Variants in APOL5 observed in about 807,000 individuals in gnomAD.
APOL5 encodes the protein apolipoprotein L5.
A neutral mutation model predicts 35.5 loss-of-function variants in APOL5; 29 were observed. The ratio of observed to expected loss-of-function variants is 0.82; its 90% confidence interval spans 0.61 to 1.11. The LOEUF is 1.11. Ranked by LOEUF, APOL5 falls within the 50% of genes most tolerant of loss-of-function variation. APOL5 has a pLI of 0.00. For synonymous variants in APOL5, 188 were observed against 200.2 expected, an observed-to-expected ratio of 0.94 and a Z score of 0.51; for missense variants, 514 against 530.4, an observed-to-expected ratio of 0.97 and a Z score of 0.30.
chr22:35,717,237 T>TATAA (rs1926782990), upstream of APOL5, among the ~76,000 whole-genome samples: 1 of 66,062 alleles, frequency 1.5e-5, no homozygotes, highest in African/African-American at 9.6e-5. Context: ...AAAAAAAAAA[T>TATAA]ATATATATAT....
rs183149604 is a variant in APOL5, at chr22:35,721,054, G to C, written c.142+400G>C. Among the ~76,000 whole-genome samples, 73 of 152,158 alleles carry C rather than the reference G, an allele frequency of 4.8e-4. 1 individual carries two copies. The East Asian group carries it at 0.01, about 22-fold the overall frequency. On this transcript the variant is annotated intron_variant, in intron 2 of 4. Transcript: ENST00000249044. The stretch of plus-strand genomic sequence containing the variant: ...AGCCACCGTGCCCAGCTGTCAATAA[G>C]TATTTGAATGAAGGAATAAAATCTG...
chr22:35,723,067 G>A (rs1927029914), intron 2 of APOL5, among the ~76,000 whole-genome samples: 1 of 152,202 alleles, frequency 6.6e-6, no homozygotes, highest in Non-Finnish European at 1.5e-5. Flanking sequence ...CCTCCAGGAG[G>A]GAGGAGGGAG....
At chr22:35,727,331 C>T (rs1256894237) in intron 3 of APOL5, 137 bp downstream of exon 3, 82 of 1,303,648 alleles carry the variant, frequency 6.3e-5, no homozygotes, top group Non-Finnish European at 8.0e-5. Context: ...GGACTTGCCG[C>T]ACACCCCTGA....
At position 35,720,993 on chromosome 22, in the gene APOL5, G is replaced by A. The variant is rs565380661; in HGVS notation, c.142+339G>A. On this transcript the variant is annotated intron_variant, in intron 2 of 4. Transcript: ENST00000249044. ...ACTCCTGATCTCAAATGCTCCACCC[G>A]CCTCGGCCTCCCAATGTGCTGGGAT... Among the ~76,000 whole-genome samples, 5 of 152,072 alleles carry A rather than the reference G, an allele frequency of 3.3e-5. No individual in the cohort carries two copies. In the South Asian group the frequency reaches 6.2e-4, roughly 19 times the overall value.
rs150465563 is a variant in APOL5, at chr22:35,721,482, G to T, written c.142+828G>T. On this transcript the variant is annotated intron_variant, in intron 2 of 4. Coordinates refer to ENST00000249044, the MANE Select transcript of APOL5 (RefSeq NM_030642.1). The stretch of plus-strand genomic sequence containing the variant: ...TGCTTGAACCCGGGAGGCGGAGGTT[G>T]CAGTGAGCCAAGATTGCACCACTAC... Among the ~76,000 whole-genome samples the T allele has an allele frequency of 2.0e-5, 3 of 152,140 alleles. No individual in the cohort carries two copies. The East Asian group carries it at 5.8e-4, about 30-fold the overall frequency.
Position 35,728,725 on chromosome 22 carries a change from T to C in APOL5, c.1129T>C (p.Ser377Pro), listed in dbSNP as rs1310766445. The C allele has an allele frequency of 1.2e-6, 2 of 1,611,468 alleles. No individual in the cohort carries two copies. Among genetic ancestry groups the C allele is most frequent in the Admixed American group, 3.4e-5 (2 of 59,688 alleles). The change falls in exon 4 of 5, where the codon TCT (serine) becomes CCT (proline). Residue 377 changes from serine to proline, a missense_variant and splice_region_variant. Ser to Pro is a moderately conservative substitution (Grantham distance 74). Around this residue, in one of 3 missense-constraint regions of APOL5, gnomAD observed 238 missense variants for 229.1 expected, o/e 1.04. Transcript: ENST00000249044. ...RGSRVVKPEGSRSPLPWPVVE... is the reference protein window; with the variant it reads ...RGSRVVKPEGPRSPLPWPVVE... The stretch of plus-strand genomic sequence containing the variant: ...ACACAGGGACTCATGTTCCACAGGG[T>C]CTCGCTCACCTCTCCCCTGGCCTGT...
chr22:35,716,279 TTTG>T (rs1312840594), upstream of APOL5, among the ~76,000 whole-genome samples: 2 of 152,198 alleles, frequency 1.3e-5, no homozygotes, highest in Non-Finnish European at 2.9e-5. Context: ...CTATTGGCTT[TTTG>T]TTGTTGTTGA....
At chr22:35,728,947 A>C in intron 4 of APOL5, 43 bp downstream of exon 4, 1 of 1,529,092 alleles carries the variant, frequency 6.5e-7, no homozygotes, top group Non-Finnish European at 8.8e-7. Flanking sequence ...GGAACCCCTG[A>C]CAGTGAAGTA....
At chr22:35,719,202 G>A (rs1284244267) in intron 1 of APOL5, among the ~76,000 whole-genome samples, 2 of 152,010 alleles carry the variant, frequency 1.3e-5, no homozygotes, top group Non-Finnish European at 2.9e-5. Flanking sequence ...GAGAACTAGG[G>A]GTGATTTTTG....
At position 35,727,002 on chromosome 22, in the gene APOL5, C is replaced by A; in HGVS notation, c.934C>A (p.Gln312Lys). The A allele has an allele frequency of 6.2e-7, 1 of 1,614,122 alleles. No homozygotes were observed. Among genetic ancestry groups the A allele is most frequent in the Non-Finnish European group, 8.5e-7 (1 of 1,179,986 alleles). ...LLMKDMSSFL[Q>K]SWKHLEDGAR... is the part of the protein sequence containing the mutation. The stretch of plus-strand genomic sequence containing the variant: ...TATGAAAGACATGAGCAGCTTCCTG[C>A]AGAGCTGGAAGCACCTGGAGGATGG... Residue 312 changes from glutamine to lysine, a missense_variant, in exon 3 of 5, where the codon CAG (glutamine) becomes AAG (lysine). Gln to Lys is a moderately conservative substitution (Grantham distance 53, BLOSUM62 1). Coordinates refer to ENST00000249044, the MANE Select transcript of APOL5 (RefSeq NM_030642.1).
upstream of APOL5, among the ~76,000 whole-genome samples, chr22:35,717,255 T>TATATATATA (rs1167745529): frequency 5.7e-5 from 7 of 123,134 alleles, no homozygotes; most frequent in African/African-American, 1.4e-4. Flanking sequence ...TATATATATA[T>TATATATATA]TAGCTGGGTG....
intron 3 of APOL5, 23 bp downstream of exon 3, chr22:35,727,217 G>A (rs1189843082): frequency 1.9e-6 from 3 of 1,579,464 alleles, no homozygotes; most frequent in East Asian, 4.5e-5. Flanking sequence ...CGAATAACAC[G>A]GACGTGGTCT....
chr22:35,727,131 A>C lies in APOL5; in HGVS notation c.1063A>C (p.Ser355Arg), dbSNP rs199950145. 6.2e-7 allele frequency: 1 copy of C among 1,610,194 alleles called. No homozygotes were observed. Among genetic ancestry groups the C allele is most frequent in the East Asian group, 2.2e-5 (1 of 44,894 alleles). ...QHHRHLPQKASQTCSSSRGRA... is the reference protein window; with the variant it reads ...QHHRHLPQKARQTCSSSRGRA... ...CCACCGGCACCTGCCGCAGAAGGCGAGCCAGACCTGTTCCAGCTCCCGGGG... is the reference window on the plus strand; with the variant it reads ...CCACCGGCACCTGCCGCAGAAGGCGCGCCAGACCTGTTCCAGCTCCCGGGG... The change falls in exon 3 of 5, where the codon AGC becomes CGC. Residue 355 changes from serine to arginine, a missense_variant. By Grantham distance (110) the Ser-to-Arg change is moderately radical. Coordinates refer to ENST00000249044, the MANE Select transcript of APOL5 (RefSeq NM_030642.1).
chr22:35,717,751 AAAG>A (rs1292130209), upstream of APOL5: 293 of 361,648 alleles, frequency 8.1e-4, 4 homozygotes, highest in Middle Eastern at 2.4e-3. Context: ...AAAAAAAAAA[AAAG>A]AAAGAAAAGA....
chr22:35,715,028 T>C (rs748379534), upstream of APOL5, among the ~76,000 whole-genome samples: 5 of 152,240 alleles, frequency 3.3e-5, no homozygotes, highest in African/African-American at 9.6e-5. Flanking sequence ...TTATGAAATA[T>C]GATGATTCGT....
At chr22:35,726,104 C>T in intron 2 of APOL5, 107 bp from the exon 3 acceptor site, 2 of 1,303,286 alleles carry the variant, frequency 1.5e-6, no homozygotes, top group Non-Finnish European at 2.1e-6. Flanking sequence ...GCTGTAATTT[C>T]CCCACTGTTA....
At chr22:35,725,357 C>T (rs1346232869) in intron 2 of APOL5, among the ~76,000 whole-genome samples, 1 of 152,076 alleles carries the variant, frequency 6.6e-6, no homozygotes, top group Non-Finnish European at 1.5e-5. Flanking sequence ...CCTCCACTTC[C>T]CTGGTTCAAG....
intron 3 of APOL5, among the ~76,000 whole-genome samples, chr22:35,728,348 C>G (rs1391980695): frequency 2.0e-5 from 3 of 152,142 alleles, no homozygotes; most frequent in Admixed American, 6.5e-5. Context: ...CTCAATCCCC[C>G]GAGTAGCTGG....
chr22:35,720,501 C>A (rs1222103935), intron 1 of APOL5, 67 bp from the exon 2 acceptor site: 1 of 1,398,048 alleles, frequency 7.2e-7, no homozygotes, highest in South Asian at 1.2e-5. Context: ...TTTCCCGGAG[C>A]ACTGTTATGT....
Sources: gnomAD v4.1 joint callset for allele counts (sites outside exome capture counted in the v4.1 genomes callset) on GRCh38, gnomAD v4.1.1 for gene constraint, gnomAD v4.1.1 regional missense constraint, MANE v1.5 for transcripts, NCBI Gene and HGNC (gene_info 2026-07-23, HGNC 2026-07-21) for gene names.